The following NEK1 variants were observed in gnomAD, a reference collection of about 807,000 sequenced individuals.
NEK1 encodes the protein NIMA related kinase 1, also known as serine/threonine-protein kinase Nek1.
Under a neutral mutation model 182.1 loss-of-function variants are expected in NEK1, and 137 were observed. The observed-to-expected ratio is 0.75, with a 90% CI of 0.65 to 0.87. The LOEUF (loss-of-function observed/expected upper bound fraction) is 0.87, where lower values mean the gene tolerates loss of function less well. Among genes scored for constraint, NEK1 ranks in the 40% least tolerant of loss-of-function variants. The pLI is 0.00. For missense variants in NEK1, 1,391 were observed against 1,494.4 expected, an observed-to-expected ratio of 0.93 and a Z score of 1.14; for synonymous variants, 513 against 492.2, an observed-to-expected ratio of 1.04 and a Z score of -0.56.
intron 23 of NEK1, among the ~76,000 whole-genome samples, chr4:169,487,709 C>A (rs1749292897): frequency 6.6e-6 from 1 of 152,062 alleles, no homozygotes; most frequent in Non-Finnish European, 1.5e-5. Context: ...AAATGGTGTA[C>A]CTGCTTCTAG....
At chr4:169,406,537 T>C in intron 32 of NEK1, 59 bp downstream of exon 32, 9 of 1,316,782 alleles carry the variant, frequency 6.8e-6, no homozygotes, top group African/African-American at 1.5e-5. Flanking sequence ...TATCCCCTCT[T>C]TTTTACATAT....
rs777135002 is a variant in NEK1, at chr4:169,585,364, C to T, written c.792G>A (p.Lys264=). The part of the protein sequence containing the change: ...EKGFIAKRIE[K]FLSPQLIAEE... ...AAGAACTTACCTGAGGAGAGAGAAACTTTTCAATGCGTTTGGCTATAAAAC... is the reference window on the plus strand; with the variant it reads ...AAGAACTTACCTGAGGAGAGAGAAATTTTTCAATGCGTTTGGCTATAAAAC... Residue 264 remains lysine (K), a synonymous_variant, in exon 10 of 36, where the codon AAG becomes AAA. Transcript: ENST00000507142. The T allele has an allele frequency of 6.2e-7, 1 of 1,612,968 alleles. No homozygotes were observed. Among genetic ancestry groups the T allele is most frequent in the Non-Finnish European group, 8.5e-7 (1 of 1,179,422 alleles).
At position 169,599,103 on chromosome 4, in the gene NEK1, A is replaced by T. The variant is rs760763407; in HGVS notation, c.309T>A (p.Asp103Glu). Residue 103 changes from aspartate to glutamate, a missense_variant, in exon 5 of 36, where the codon GAT (aspartate) becomes GAA (glutamate). This residue lies in a region of NEK1 where 116 missense variants were observed against 114.5 expected (regional missense o/e 1.01). Coordinates refer to ENST00000507142, the MANE Select transcript of NEK1 (RefSeq NM_001199397.3). ...AATTTCCTAAATGCAAACTTACCTG[A>T]TCCTCTTGAAACAAAACGCCTTTCT... Reference protein sequence around the residue: ...NAQKGVLFQEDQILDWFVQIC... With the variant: ...NAQKGVLFQEEQILDWFVQIC... 1.6e-5 allele frequency: 25 copies of T among 1,612,084 alleles called. No homozygotes were observed. Among genetic ancestry groups the T allele is most frequent in the South Asian group, 9.9e-5 (9 of 90,978 alleles).
chr4:169,608,872 A>G (rs186470247), intron 2 of NEK1, among the ~76,000 whole-genome samples: 3 of 152,052 alleles, frequency 2.0e-5, no homozygotes, highest in Admixed American at 6.6e-5. Context: ...CAGGCTGACC[A>G]ACATGGTAAG....
chr4:169,493,941 A>C (rs190888928), intron 23 of NEK1, among the ~76,000 whole-genome samples: 78 of 152,320 alleles, frequency 5.1e-4, no homozygotes, highest in African/African-American at 1.8e-3. Flanking sequence ...AATTCAGAGA[A>C]CACCAGTGAG....
intron 5 of NEK1, among the ~76,000 whole-genome samples, chr4:169,597,552 C>A (rs1335495948): frequency 6.6e-6 from 1 of 152,116 alleles, no homozygotes; most frequent in African/African-American, 2.4e-5. Flanking sequence ...GGGAAAATTG[C>A]TTGTGTTCAG....
At chr4:169,478,173 T>C (rs181666627) in intron 24 of NEK1, among the ~76,000 whole-genome samples, 5 of 152,172 alleles carry the variant, frequency 3.3e-5, no homozygotes, top group Non-Finnish European at 1.5e-5. Context: ...CAAAGGCATG[T>C]AGAAGATTCA....
At chr4:169,500,590 A>G (rs1352740842) in intron 23 of NEK1, among the ~76,000 whole-genome samples, 1 of 152,206 alleles carries the variant, frequency 6.6e-6, no homozygotes, top group Non-Finnish European at 1.5e-5. Context: ...ACCAGAAGAC[A>G]TTGGTGGCCT....
chr4:169,486,045 C>T (rs1303847257), intron 23 of NEK1, among the ~76,000 whole-genome samples: 1 of 151,450 alleles, frequency 6.6e-6, no homozygotes, highest in Non-Finnish European at 1.5e-5. Context: ...GACCCTGTTT[C>T]AAAACAAAAC....
At chr4:169,429,362 T>C (rs1737003428) in intron 29 of NEK1, among the ~76,000 whole-genome samples, 1 of 152,160 alleles carries the variant, frequency 6.6e-6, no homozygotes, top group Non-Finnish European at 1.5e-5. Context: ...GAAGAGTAGA[T>C]ACCAAAAGTA....
In NEK1 at chr4:169,508,817, G is replaced by A; in HGVS notation, c.1701C>T (p.Gly567=). 1 of 1,591,910 alleles carries A rather than the reference G, an allele frequency of 6.3e-7. No homozygotes were observed. Among genetic ancestry groups the A allele is most frequent in the Non-Finnish European group, 8.5e-7 (1 of 1,176,822 alleles). The stretch of plus-strand genomic sequence containing the variant: ...TCCCTCCTCTTGAAGAGCTGGGCCT[G>A]CCTCCATACATAGCTGCCAGGTTTT... ...ILQNLAAMYG[G]RPSSSRGGKP... is the part of the protein sequence containing the mutation. Residue 567 remains glycine, a synonymous_variant, in exon 20 of 36, where the codon GGC becomes GGT. Transcript: ENST00000507142.
At chr4:169,596,591 G>A (rs1260026458) in intron 5 of NEK1, among the ~76,000 whole-genome samples, 1 of 152,152 alleles carries the variant, frequency 6.6e-6, no homozygotes, top group African/African-American at 2.4e-5. Flanking sequence ...TTTTTGTCCA[G>A]TAAAGATGCA....
Position 169,597,807 on chromosome 4 carries a change from G to A in NEK1, c.312+1293C>T, listed in dbSNP as rs1350882909. Among the ~76,000 whole-genome samples, 10 of 152,004 alleles carry A rather than the reference G, an allele frequency of 6.6e-5. No homozygotes were observed. In the South Asian group the frequency reaches 1.0e-3, roughly 16 times the overall value. Reference sequence around the variant, plus strand: ...AAATTAGCCAGGCGTGGTGGCAGGCGCCTGTAGTCCCAGCTACTCGGGAGG... The same window carrying A: ...AAATTAGCCAGGCGTGGTGGCAGGCACCTGTAGTCCCAGCTACTCGGGAGG... On this transcript the variant is annotated intron_variant, in intron 5 of 35. Transcript: ENST00000507142.
chr4:169,609,914 T>C (rs1278288517), intron 2 of NEK1, among the ~76,000 whole-genome samples: 1 of 152,200 alleles, frequency 6.6e-6, no homozygotes, highest in African/African-American at 2.4e-5. Flanking sequence ...AGTTTTCTTA[T>C]GGCATCATGC....
rs575661250 is a variant in NEK1 at position 169,581,126 on chromosome 4, C to T, written c.808-224G>A. Among the ~76,000 whole-genome samples, 7 of 150,014 alleles carry T rather than the reference C, an allele frequency of 4.7e-5. No individual in the cohort carries two copies. In the East Asian group the frequency reaches 5.9e-4, roughly 13 times the overall value. Reference sequence around the variant, plus strand: ...CACTTTAGGAGGCTGAGGGGAAGATCGCTTGAGCAAGGAGTTAGAGTTCAG... The same window carrying T: ...CACTTTAGGAGGCTGAGGGGAAGATTGCTTGAGCAAGGAGTTAGAGTTCAG... On this transcript the variant is annotated intron_variant, in intron 10 of 35. Coordinates refer to ENST00000507142, the MANE Select transcript of NEK1 (RefSeq NM_001199397.3).
chr4:169,547,630 C>A (rs760916362), intron 18 of NEK1, among the ~76,000 whole-genome samples: 2 of 152,172 alleles, frequency 1.3e-5, no homozygotes, highest in Non-Finnish European at 2.9e-5. Flanking sequence ...TAGATTTGGT[C>A]TTTTCGCATA....
rs761870810 is a variant in NEK1 at position 169,438,232 on chromosome 4, T to G, written c.2615A>C (p.Lys872Thr). 4 of 1,557,288 alleles carry G rather than the reference T, an allele frequency of 2.6e-6. No individual in the cohort carries two copies. In the Admixed American group the frequency reaches 5.9e-5, roughly 23 times the overall value. ...SEISPEGEKYKPLITGEKKVQ... is the reference protein window; with the variant it reads ...SEISPEGEKYTPLITGEKKVQ... ...TTTTTTTTCTCCAGTAATTAAGGGT[T>G]TGTACTTTTCCCCTTCGGGAGAAAT... Residue 872 changes from lysine to threonine, a missense_variant, in exon 28 of 36, where the codon AAA becomes ACA. By Grantham distance (78) the Lys-to-Thr change is moderately conservative. Around this residue, in one of 5 missense-constraint regions of NEK1, gnomAD observed 1,216 missense variants for 1,277.6 expected, o/e 0.95. Coordinates refer to ENST00000507142, the MANE Select transcript of NEK1 (RefSeq NM_001199397.3).
At chr4:169,513,510 T>C (rs551958532) in intron 19 of NEK1, among the ~76,000 whole-genome samples, 1 of 151,992 alleles carries the variant, frequency 6.6e-6, no homozygotes, top group Admixed American at 6.6e-5. Context: ...ATAATCATTA[T>C]CAACTTGAAA....
intron 7 of NEK1, 32 bp downstream of exon 7, chr4:169,589,415 T>C (rs866627579): frequency 8.0e-7 from 1 of 1,243,676 alleles, no homozygotes; most frequent in Non-Finnish European, 1.1e-6. Context: ...CTGAAAACAT[T>C]ATATCAAAAC....
Sources: gnomAD v4.1 joint callset for allele counts (sites outside exome capture counted in the v4.1 genomes callset) on GRCh38, gnomAD v4.1.1 for gene constraint, gnomAD v4.1.1 regional missense constraint, MANE v1.5 for transcripts, NCBI Gene and HGNC (gene_info 2026-07-23, HGNC 2026-07-21) for gene names.